CCDC171: variants seen among roughly 807,000 people sequenced by gnomAD.
CCDC171 encodes the protein coiled-coil domain containing 171.
Under a neutral mutation model 168.2 loss-of-function variants are expected in CCDC171, and 177 were observed. The observed-to-expected ratio is 1.05, with a 90% confidence interval of 0.93 to 1.19. The LOEUF (loss-of-function observed/expected upper bound fraction) is 1.19. CCDC171 is among the 50% of genes most tolerant of loss of function. CCDC171 has a pLI of 0.00. For missense variants in CCDC171, 1,991 were observed against 1,539.0 expected (o/e 1.29, Z -4.91); for synonymous variants, 687 against 540.8 (o/e 1.27, Z -3.75).
At chr9:15,618,798 C>T (rs779066823) in intron 6 of CCDC171, among the ~76,000 whole-genome samples, 5 of 151,916 alleles carry the variant, frequency 3.3e-5, no homozygotes, top group African/African-American at 9.7e-5. Flanking sequence ...GGTGAAGTGA[C>T]GCCCCACCCT....
At chr9:15,700,281 C>T (rs916339542) in intron 11 of CCDC171, among the ~76,000 whole-genome samples, 6 of 152,254 alleles carry the variant, frequency 3.9e-5, no homozygotes, top group Admixed American at 2.6e-4. Flanking sequence ...GCCGCTGGCC[C>T]GGGTGCTAAG....
chr9:15,657,075 A>G, intron 7 of CCDC171, 52 bp from the exon 8 acceptor site: 1 of 1,043,600 alleles, frequency 9.6e-7, no homozygotes, highest in Non-Finnish European at 1.4e-6. Flanking sequence ...AGTGATCCAT[A>G]TCTTCTTTAA....
intron 21 of CCDC171, among the ~76,000 whole-genome samples, chr9:15,802,488 A>G (rs2058873977): frequency 6.6e-6 from 1 of 152,074 alleles, no homozygotes; most frequent in African/African-American, 2.4e-5. Flanking sequence ...GCTCCCACTT[A>G]TAAGTGAGAA....
intron 11 of CCDC171, among the ~76,000 whole-genome samples, chr9:15,707,141 A>G (rs754059905): frequency 1.3e-5 from 2 of 152,076 alleles, no homozygotes; most frequent in Non-Finnish European, 2.9e-5. Context: ...CTCTGTTGTC[A>G]TTTGCAGATT....
intron 25 of CCDC171, among the ~76,000 whole-genome samples, chr9:15,926,580 G>C (rs1825922335): frequency 6.6e-6 from 1 of 151,518 alleles, no homozygotes; most frequent in Non-Finnish European, 1.5e-5. Flanking sequence ...CTCACAGAAG[G>C]CTTTAGAATC....
In CCDC171 at chr9:15,724,771, G is replaced by T; in HGVS notation, c.1492-5G>T. ...TACAATCTCTTTATTTGGTATCTAT[G>T]ACAGGAACTTCAGGATAAACTGGCT... On this transcript the variant is annotated splice_region_variant and splice_polypyrimidine_tract_variant and intron_variant, in intron 13 of 25. Transcript: ENST00000380701. 1 of 1,609,188 alleles carries T rather than the reference G, an allele frequency of 6.2e-7. No individual in the cohort carries two copies. Among genetic ancestry groups the T allele is most frequent in the South Asian group, 1.1e-5 (1 of 90,826 alleles).
Position 15,793,551 on chromosome 9 carries a change from G to GTTTTTTTTTT in CCDC171, c.3267+8877_3267+8886dup, listed in dbSNP as rs3082839. 7.8e-5 allele frequency among the ~76,000 whole-genome samples: 6 copies of GTTTTTTTTTT among 77,060 alleles called. 2 individuals are homozygous for GTTTTTTTTTT. The highest frequency in any genetic ancestry group is 1.9e-4 in the African/African-American group (3 of 15,542). The allele number at this position is 77,060 out of a possible 152,430, so 50.6% of individuals were successfully genotyped here. ...AGCACCACATCGCACTTATTCCAAG[G>GTTTTTTTTTT]TTTTTTTTTTTTTTTTTTTTTTTTT... is the stretch of plus-strand genomic sequence containing the variant. On this transcript the variant is annotated intron_variant, in intron 21 of 25. Coordinates refer to ENST00000380701, the MANE Select transcript of CCDC171 (RefSeq NM_173550.4).
chr9:15,821,444 T>C lies in CCDC171; in HGVS notation c.3268-25258T>C, dbSNP rs1444684513. 1.7e-5 allele frequency among the ~76,000 whole-genome samples: 2 copies of C among 117,304 alleles called. 1 individual carries two copies. Among genetic ancestry groups the C allele is most frequent in the Non-Finnish European group, 3.8e-5 (2 of 52,310 alleles). 77.0% of individuals were successfully genotyped at this position (117,304 alleles called of 152,430 possible). A position where few individuals can be genotyped will look rare whatever the true frequency, so the allele number is the denominator to read the frequency against. ...ATTGTATATCTAGAAAACCCCATCG[T>C]CTCAGCCCAAAATCTCCTTGAGCTG... On this transcript the variant is annotated intron_variant, in intron 21 of 25. Coordinates refer to ENST00000380701, the MANE Select transcript of CCDC171 (RefSeq NM_173550.4).
At chr9:16,079,624 G>C in the CCDC171 span, among the ~76,000 whole-genome samples, 1 of 152,214 alleles carries the variant, frequency 6.6e-6, no homozygotes, top group African/African-American at 2.4e-5. Flanking sequence ...GATTCTTTCT[G>C]GGTAAGGAAC....
At position 16,059,572 on chromosome 9, in the gene CCDC171, T is replaced by A. The variant is rs1174617672; in HGVS notation, n.90-1074T>A. On this transcript the variant is annotated intron_variant and non_coding_transcript_variant, in intron 1 of 1. Coordinates refer to the CCDC171 transcript ENST00000478913. ...GCCCAGGCCGGACTGCGGACTGCAG[T>A]GGCGCAATCTCGGCTCACTGCAAGC... Among the ~76,000 whole-genome samples the A allele has an allele frequency of 2.1e-5, 3 of 139,596 alleles. No homozygotes were observed. The Admixed American group carries it at 2.2e-4, about 10-fold the overall frequency. 91.6% of individuals were successfully genotyped at this position (139,596 alleles called of 152,430 possible).
chr9:15,748,825 A>G (rs376095785), intron 18 of CCDC171, among the ~76,000 whole-genome samples: 2 of 152,332 alleles, frequency 1.3e-5, no homozygotes, highest in East Asian at 1.9e-4. Flanking sequence ...TGAAGGAAGC[A>G]CTAAACATGG....
At chr9:15,569,969 T>TTTTTCTTTTTC (rs150120991) in intron 2 of CCDC171, among the ~76,000 whole-genome samples, 9,211 of 152,038 alleles carry the variant, frequency 0.061, 357 homozygotes, top group African/African-American at 0.11. Flanking sequence ...ATTACTTTTC[T>TTTTTCTTTTTC]TTTTCTTTTC....
chr9:15,854,180 T>A (rs2061259000), intron 23 of CCDC171, among the ~76,000 whole-genome samples: 1 of 151,504 alleles, frequency 6.6e-6, no homozygotes, highest in Non-Finnish European at 1.5e-5. Context: ...GAGATTAGTG[T>A]TAATTCTTTA....
At chr9:15,770,337 A>G (rs575278370) in intron 18 of CCDC171, among the ~76,000 whole-genome samples, 18 of 152,196 alleles carry the variant, frequency 1.2e-4, no homozygotes, top group Non-Finnish European at 2.6e-4. Context: ...CCTGTCTTGT[A>G]CTTAATGGAT....
chr9:15,582,780 C>T (rs531126081), intron 4 of CCDC171, among the ~76,000 whole-genome samples: 8 of 149,538 alleles, frequency 5.3e-5, no homozygotes, highest in Non-Finnish European at 8.9e-5. Context: ...TGGGGCCTGG[C>T]AGGAGGTGGG....
chr9:15,860,477 CAA>C (rs2130962120), intron 23 of CCDC171, among the ~76,000 whole-genome samples: 1 of 151,868 alleles, frequency 6.6e-6, no homozygotes, highest in East Asian at 1.9e-4. Flanking sequence ...CATTTTGTCT[CAA>C]GATATTTTCT....
At chr9:15,680,608 T>C (rs1031546214) in intron 10 of CCDC171, among the ~76,000 whole-genome samples, 1 of 152,230 alleles carries the variant, frequency 6.6e-6, no homozygotes, top group Non-Finnish European at 1.5e-5. Flanking sequence ...GGAACTGATA[T>C]CATTGCTTGT....
In CCDC171 at chr9:15,716,742, T is replaced by C. The variant is rs186761876; in HGVS notation, c.1319-5027T>C. ...GCAAGAGTTGGGGAGAACTGACTTT[T>C]ATAACAAACCTACTTCTAAGATAAT... On this transcript the variant is annotated intron_variant, in intron 11 of 25. Coordinates refer to ENST00000380701, the MANE Select transcript of CCDC171 (RefSeq NM_173550.4). 6.0e-4 allele frequency among the ~76,000 whole-genome samples: 91 copies of C among 152,290 alleles called. 1 individual carries two copies. The highest frequency in any genetic ancestry group is 3.4e-3 in the Middle Eastern group (1 of 294).
intron 24 of CCDC171, among the ~76,000 whole-genome samples, chr9:15,901,268 AATAC>A: frequency 6.6e-6 from 1 of 152,324 alleles, no homozygotes; most frequent in South Asian, 2.1e-4. Context: ...AATAATAGTG[AATAC>A]ATGTCACTAT....
Sources: allele counts gnomAD v4.1 joint callset (sites outside exome capture counted in the v4.1 genomes callset), GRCh38; gene constraint gnomAD v4.1.1; transcripts MANE v1.5; gene names NCBI Gene and HGNC (gene_info 2026-07-23, HGNC 2026-07-21).